The following METTL21A variants were observed in gnomAD, a reference collection of about 807,000 sequenced individuals.
The protein encoded by METTL21A is protein N-lysine methyltransferase METTL21A.
In METTL21A, 22 loss-of-function variants were observed where a neutral mutation model predicts 20.9. That is an observed-to-expected ratio of 1.05 (90% CI 0.75 to 1.50). METTL21A has a LOEUF of 1.50. Among genes scored for constraint, METTL21A ranks in the 40% most tolerant of loss-of-function variants. The probability of loss-of-function intolerance (pLI) is 0.00; values close to 1 mark genes in which losing one functional copy is unlikely to be tolerated. For synonymous variants in METTL21A, 93 were observed against 102.0 expected (o/e 0.91, Z 0.53); for missense variants, 271 against 266.8 (o/e 1.02, Z -0.11).
chr2:207,592,694 G>T (rs2085295170), intron 3 of METTL21A, among the ~76,000 whole-genome samples: 1 of 152,042 alleles, frequency 6.6e-6, no homozygotes, highest in Non-Finnish European at 1.5e-5. Flanking sequence ...ACCAAGGCAG[G>T]CGGATCACGA....
intron 3 of METTL21A, among the ~76,000 whole-genome samples, chr2:207,594,481 T>C (rs2085726711): frequency 6.6e-6 from 1 of 152,216 alleles, no homozygotes; most frequent in Non-Finnish European, 1.5e-5. Flanking sequence ...ACAATATTTG[T>C]CTTTTTGAGA....
intron 3 of METTL21A, among the ~76,000 whole-genome samples, chr2:207,617,199 A>G (rs943062927): frequency 1.3e-5 from 2 of 152,244 alleles, no homozygotes; most frequent in African/African-American, 4.8e-5. Context: ...ATTCGAGCAC[A>G]TACTATGTGC....
downstream of METTL21A, chr2:207,581,010 G>A (rs1046574086): frequency 1.4e-5 from 3 of 218,120 alleles, no homozygotes; most frequent in African/African-American, 2.2e-5. Flanking sequence ...TACAGGAAGT[G>A]GAGAGTGAAA....
intron 3 of METTL21A, chr2:207,601,672 A>T (rs796186053): frequency 9.4e-6 from 2 of 213,662 alleles, no homozygotes; most frequent in South Asian, 1.9e-4. Flanking sequence ...AATTGTCCTC[A>T]CAGAGACCAC....
At chr2:207,625,865 T>C (rs2091037614), upstream of METTL21A, 2 of 152,252 alleles carry the variant, frequency 1.3e-5, no homozygotes, top group Admixed American at 1.3e-4. Flanking sequence ...AGAAGCGGCG[T>C]AATAGCCCGC....
downstream of METTL21A, among the ~76,000 whole-genome samples, chr2:207,607,084 A>G (rs1423100405): frequency 2.0e-5 from 3 of 152,126 alleles, no homozygotes; most frequent in Non-Finnish European, 4.4e-5. Flanking sequence ...GTACCATGTT[A>G]CCACTTGAAA....
chr2:207,592,331 C>T (rs768513496), intron 3 of METTL21A, among the ~76,000 whole-genome samples: 5 of 152,002 alleles, frequency 3.3e-5, no homozygotes, highest in Non-Finnish European at 5.9e-5. Flanking sequence ...CACTTAAACC[C>T]GGGAGGCAGA....
intron 3 of METTL21A, among the ~76,000 whole-genome samples, chr2:207,619,837 A>G (rs908414118): frequency 1.3e-5 from 2 of 152,220 alleles, no homozygotes; most frequent in African/African-American, 4.8e-5. Context: ...TCAGTGAGCC[A>G]GCAGATGTTA....
intron 3 of METTL21A, among the ~76,000 whole-genome samples, chr2:207,617,721 G>A (rs999474342): frequency 1.2e-4 from 18 of 152,146 alleles, no homozygotes; most frequent in African/African-American, 4.1e-4. Flanking sequence ...TTAAAAAGAC[G>A]AAACAGAGGC....
chr2:207,617,879 G>T (rs2089987768), intron 3 of METTL21A, among the ~76,000 whole-genome samples: 1 of 152,132 alleles, frequency 6.6e-6, no homozygotes. Flanking sequence ...GGTAGGGGAG[G>T]TAGACGGGGA....
exon 4 of METTL21A, chr2:207,612,908 G>T: frequency 1.2e-6 from 1 of 839,068 alleles, no homozygotes; most frequent in Non-Finnish European, 1.8e-6. Context: ...TTTTAAAACT[G>T]CACATGTGCT....
At chr2:207,623,352 G>C (rs1575164379) in intron 2 of METTL21A, among the ~76,000 whole-genome samples, 1 of 152,120 alleles carries the variant, frequency 6.6e-6, no homozygotes, top group African/African-American at 2.4e-5. Flanking sequence ...CTGTATTTAT[G>C]CCAATCATGC....
chr2:207,604,861 T>C (rs2551930), downstream of METTL21A, among the ~76,000 whole-genome samples: 128,484 of 152,200 alleles, frequency 0.84, 54,420 homozygotes, highest in East Asian at 1. Context: ...CTAGCTTTAA[T>C]GTGTTGTTGA....
chr2:207,602,476 T>C (rs578063065), intron 3 of METTL21A: 124 of 203,130 alleles, frequency 6.1e-4, no homozygotes, highest in African/African-American at 2.4e-3. Context: ...AATTCACATT[T>C]GACCTAACAT....
chr2:207,589,359 C>A (rs2084524026), intron 3 of METTL21A, among the ~76,000 whole-genome samples: 1 of 152,198 alleles, frequency 6.6e-6, no homozygotes, highest in Non-Finnish European at 1.5e-5. Flanking sequence ...TCCCCTTCTG[C>A]AGTCACATTT....
intron 3 of METTL21A, chr2:207,599,237 G>A (rs1036087315): frequency 1.0e-5 from 2 of 200,460 alleles, no homozygotes; most frequent in African/African-American, 4.6e-5. Flanking sequence ...CATAAAAATT[G>A]TGTAACCGCA....
exon 4 of METTL21A, chr2:207,613,125 A>T (rs763406594): frequency 6.2e-6 from 10 of 1,611,812 alleles, no homozygotes; most frequent in Non-Finnish European, 7.6e-6. Context: ...AACCTTTCTC[A>T]CAGTAAATTG....
intron 3 of METTL21A, among the ~76,000 whole-genome samples, chr2:207,585,543 C>CA (rs1268810360): frequency 6.6e-6 from 1 of 152,052 alleles, no homozygotes; most frequent in Non-Finnish European, 1.5e-5. Context: ...ACGATACCTC[C>CA]AAAGGAACAC....
chr2:207,599,032 T>G (rs541263715), intron 3 of METTL21A: 5 of 187,630 alleles, frequency 2.7e-5, no homozygotes, highest in Non-Finnish European at 4.5e-5. Flanking sequence ...AATTAACATT[T>G]GTAAATGGTA....
Sources: allele counts gnomAD v4.1 joint callset (sites outside exome capture counted in the v4.1 genomes callset), GRCh38; gene constraint gnomAD v4.1.1; transcripts MANE v1.5; gene names NCBI Gene and HGNC (gene_info 2026-07-23, HGNC 2026-07-21).